Variants in TBCCD1 observed in about 807,000 individuals in gnomAD.
TBCCD1 encodes the protein TBCC domain containing 1.
A neutral mutation model predicts 53.4 loss-of-function variants in TBCCD1; 26 were observed. The ratio of observed to expected loss-of-function variants is 0.49; its 90% CI spans 0.36 to 0.68. The LOEUF is 0.68. Among genes scored for constraint, TBCCD1 ranks in the 30% least tolerant of loss-of-function variants. TBCCD1 has a pLI of 0.00. For missense variants in TBCCD1, 558 were observed against 669.5 expected, an observed-to-expected ratio of 0.83 and a Z score of 1.84; for synonymous variants, 245 against 241.7, an observed-to-expected ratio of 1.01 and a Z score of -0.13.
At position 186,558,695 on chromosome 3, in the gene TBCCD1, T is replaced by C. The variant is rs1714610614; in HGVS notation, c.337-123A>G. On this transcript the variant is annotated intron_variant, in intron 2 of 7. Transcript: ENST00000338733. ...CCTAAAAAAACCAACTTAGAAACATTGCCAGTTTTGATATGTATGTCTCTG... is the reference window on the plus strand; with the variant it reads ...CCTAAAAAAACCAACTTAGAAACATCGCCAGTTTTGATATGTATGTCTCTG... The C allele has an allele frequency of 2.9e-6, 3 of 1,020,592 alleles. No individual in the cohort carries two copies. The South Asian group carries it at 5.1e-5, about 17-fold the overall frequency. The allele number at this position is 1,020,592 out of a possible 1,614,324, so 63.2% of individuals were successfully genotyped here.
intron 4 of TBCCD1, among the ~76,000 whole-genome samples, chr3:186,555,995 G>C (rs775825251): frequency 6.6e-5 from 10 of 152,056 alleles, no homozygotes; most frequent in Non-Finnish European, 1.0e-4. Context: ...TGCCTTCTCA[G>C]ACTGTACCTC....
chr3:186,556,880 A>C, intron 3 of TBCCD1, 105 bp from the exon 4 acceptor site: 1 of 1,350,288 alleles, frequency 7.4e-7, no homozygotes, highest in Non-Finnish European at 1.0e-6. Context: ...CATCCCCCAA[A>C]AGGAATTAGG....
chr3:186,565,440 T>C (rs1219919108), intron 1 of TBCCD1, among the ~76,000 whole-genome samples: 1 of 152,180 alleles, frequency 6.6e-6, no homozygotes, highest in Non-Finnish European at 1.5e-5. Flanking sequence ...ATAAATTAGA[T>C]GTTAGTTTTT....
At chr3:186,550,585 CAA>C (rs796629751) in intron 7 of TBCCD1, among the ~76,000 whole-genome samples, 10 of 110,570 alleles carry the variant, frequency 9.0e-5, no homozygotes, top group Non-Finnish European at 1.2e-4. Flanking sequence ...GACTCAGTCT[CAA>C]AAAAAAAAAA....
chr3:186,556,409 C>G lies in TBCCD1; in HGVS notation c.859G>C (p.Val287Leu). The change falls in exon 4 of 8, where the codon GTT becomes CTT. Residue 287 changes from valine (V) to leucine (L), a missense_variant and splice_region_variant. Transcript: ENST00000338733. ...TGTAGATTAAAATATTAAAAAATAC[C>G]TTGATGAGCCCAAGCCAATTTCTTT... ...SGKKLAWAHQ[V>L]EGTTKRAKIA... 3 of 1,577,646 alleles carry G rather than the reference C, an allele frequency of 1.9e-6. No homozygotes were observed. In the South Asian group the frequency reaches 3.6e-5, roughly 19 times the overall value.
At chr3:186,547,387 C>T (rs1714243863) in intron 7 of TBCCD1, among the ~76,000 whole-genome samples, 1 of 151,602 alleles carries the variant, frequency 6.6e-6, no homozygotes. Context: ...TCCAGAGTAG[C>T]TGGGATTACA....
intron 2 of TBCCD1, among the ~76,000 whole-genome samples, chr3:186,558,971 C>T (rs1036581083): frequency 6.6e-6 from 1 of 152,188 alleles, no homozygotes; most frequent in African/African-American, 2.4e-5. Context: ...TCTTGAACTC[C>T]TGACCTCAGG....
chr3:186,570,127 C>T, upstream of TBCCD1: 1 of 701,374 alleles, frequency 1.4e-6, no homozygotes, highest in Non-Finnish European at 2.6e-6. Flanking sequence ...CGGTGGAAGC[C>T]GAATCCGAAC....
At chr3:186,551,863 G>A (rs1714390520) in intron 6 of TBCCD1, among the ~76,000 whole-genome samples, 1 of 152,112 alleles carries the variant, frequency 6.6e-6, no homozygotes, top group South Asian at 2.1e-4. Context: ...TTAAGTCCCA[G>A]CTACTCGGGA....
At position 186,554,462 on chromosome 3, in the gene TBCCD1, T is replaced by C. The variant is rs748428004; in HGVS notation, c.1336A>G (p.Met446Val). Residue 446 changes from methionine to valine, a missense_variant, in exon 6 of 8, where the codon ATG (methionine) becomes GTG (valine). By Grantham distance (21) the Met-to-Val change is conservative. Transcript: ENST00000338733. ...TCGCTGTTCTCTCTGCACACAACCA[T>C]TGGATTATCCCAATAGTTAGGCACT... The part of the protein sequence containing the change: ...ATVPNYWDNP[M>V]VVCRENSDTR... 2.1e-5 allele frequency: 34 copies of C among 1,614,126 alleles called. No homozygotes were observed. Among genetic ancestry groups the C allele is most frequent in the Non-Finnish European group, 2.8e-5 (33 of 1,180,058 alleles).
Position 186,551,118 on chromosome 3 carries a change from T to C in TBCCD1, c.*21+11A>G, listed in dbSNP as rs996341234. ...CCAAAAGAATCTGTTTTAAGTGGTA[T>C]AAATGCCTACCAGTGTCTGCATGTA... On this transcript the variant is annotated intron_variant, in intron 7 of 7. Transcript: ENST00000338733. 1.9e-6 allele frequency: 3 copies of C among 1,602,788 alleles called. 1 individual carries two copies.
Position 186,556,716 on chromosome 3 carries a change from C to G in TBCCD1, c.552G>C (p.Glu184Asp). Residue 184 changes from glutamate to aspartate, a missense_variant, in exon 4 of 8, where the codon GAG becomes GAC. Physicochemically the swap from Glu to Asp is conservative, Grantham distance 45 (BLOSUM62 2). Transcript: ENST00000338733. ...TGAGTTGTTTTGGATCTAAAAGCAG[C>G]TCGAGGAGATCAGACAGATGATCAT... ...FVYDHLSDLLELLLDPKQLTA... is the reference protein window; with the variant it reads ...FVYDHLSDLLDLLLDPKQLTA... 3 of 1,614,054 alleles carry G rather than the reference C, an allele frequency of 1.9e-6. No individual in the cohort carries two copies. Among genetic ancestry groups the G allele is most frequent in the Non-Finnish European group, 2.5e-6 (3 of 1,180,014 alleles).
At chr3:186,562,686 GT>G (rs1714721122) in intron 2 of TBCCD1, among the ~76,000 whole-genome samples, 1 of 149,968 alleles carries the variant, frequency 6.7e-6, no homozygotes, top group Non-Finnish European at 1.5e-5. Context: ...TATGTTAAGT[GT>G]TCTTAACAGA....
At chr3:186,556,261 A>T in intron 4 of TBCCD1, 148 bp downstream of exon 4, 1 of 839,080 alleles carries the variant, frequency 1.2e-6, no homozygotes, top group South Asian at 2.3e-5. Context: ...AAAGTCATGC[A>T]CAAAAGACAG....
In TBCCD1 at chr3:186,546,818, A is replaced by G. The variant is rs1386520740; in HGVS notation, c.*159T>C. 2.0e-5 allele frequency: 3 copies of G among 149,002 alleles called. No individual in the cohort carries two copies. The highest frequency in any genetic ancestry group is 4.4e-5 in the Non-Finnish European group (3 of 67,652). 9.2% of individuals were successfully genotyped at this position (149,002 alleles called of 1,614,324 possible). A position where few individuals can be genotyped will look rare whatever the true frequency, so the allele number is the denominator to read the frequency against. On this transcript the variant is annotated 3_prime_UTR_variant, in exon 8 of 8. Transcript: ENST00000338733. The stretch of plus-strand genomic sequence containing the variant: ...TGCACTCCAGCCTGGGCGACAGAAC[A>G]AGACTCTGCCTCAAAAAAAAAAAAA...
intron 1 of TBCCD1, among the ~76,000 whole-genome samples, chr3:186,565,305 T>C (rs1325508809): frequency 1.3e-5 from 2 of 152,090 alleles, no homozygotes; most frequent in Non-Finnish European, 2.9e-5. Context: ...GAGATGGGGT[T>C]TAACTATGTT....
Position 186,563,978 on chromosome 3 carries a change from A to G in TBCCD1, c.336+16T>C. The G allele has an allele frequency of 1.3e-6, 2 of 1,582,444 alleles. No homozygotes were observed. Among genetic ancestry groups the G allele is most frequent in the Non-Finnish European group, 8.6e-7 (1 of 1,165,692 alleles). On this transcript the variant is annotated intron_variant, in intron 2 of 7. Transcript: ENST00000338733. ...TTTCCAAAAGTAATTAAGTATACAC[A>G]CATATCAATCCGTACCTGATTTCTC... is the stretch of plus-strand genomic sequence containing the variant.
At chr3:186,558,125 T>C (rs1441572706) in intron 3 of TBCCD1, among the ~76,000 whole-genome samples, 2 of 152,228 alleles carry the variant, frequency 1.3e-5, no homozygotes, top group East Asian at 3.8e-4. Context: ...CATAAGTTGA[T>C]TCGCATTGAT....
At chr3:186,551,599 T>G (rs758574681) in intron 6 of TBCCD1, among the ~76,000 whole-genome samples, 1 of 152,202 alleles carries the variant, frequency 6.6e-6, no homozygotes. Flanking sequence ...ACTTCACGAC[T>G]CCAGAGGGCA....
Sources: allele counts gnomAD v4.1 joint callset (sites outside exome capture counted in the v4.1 genomes callset), GRCh38; gene constraint gnomAD v4.1.1; transcripts MANE v1.5; gene names NCBI Gene and HGNC (gene_info 2026-07-23, HGNC 2026-07-21).